CLCN3: variants seen among roughly 807,000 people sequenced by gnomAD.
The protein encoded by CLCN3 is H(+)/Cl(-) exchange transporter 3.
A neutral mutation model predicts 83.4 loss-of-function variants in CLCN3; 16 were observed. The ratio of observed to expected loss-of-function variants is 0.19; its 90% CI spans 0.13 to 0.29. CLCN3 has a LOEUF of 0.29. Among genes scored for constraint, CLCN3 ranks in the 10% least tolerant of loss-of-function variants. CLCN3 has a pLI of 1.00. For missense variants in CLCN3, 544 were observed against 1,006.0 expected (o/e 0.54, Z 6.21); for synonymous variants, 322 against 346.2 (o/e 0.93, Z 0.78).
intron 1 of CLCN3, among the ~76,000 whole-genome samples, chr4:169,631,152 G>T (rs1195467451): frequency 6.6e-6 from 1 of 152,184 alleles, no homozygotes; most frequent in Non-Finnish European, 1.5e-5. Flanking sequence ...CCTGACTGGT[G>T]TGAGATGGTG....
intron 12 of CLCN3, among the ~76,000 whole-genome samples, chr4:169,717,183 A>G (rs1257737955): frequency 6.6e-6 from 1 of 152,230 alleles, no homozygotes; most frequent in African/African-American, 2.4e-5. Context: ...CTAATCATAA[A>G]TACATTTTAT....
At position 169,697,747 on chromosome 4, in the gene CLCN3, G is replaced by T. The variant is rs1279897720; in HGVS notation, c.1563+13G>T. Reference sequence around the variant, plus strand: ...TTTTGGCATCAAGGTAAGTGCTAATGTGAGGTGATATTTGGGTAATTTTGG... The same window carrying T: ...TTTTGGCATCAAGGTAAGTGCTAATTTGAGGTGATATTTGGGTAATTTTGG... On this transcript the variant is annotated intron_variant, in intron 9 of 12. Transcript: ENST00000513761. The T allele has an allele frequency of 4.5e-6, 7 of 1,567,052 alleles. No individual in the cohort carries two copies. Among genetic ancestry groups the T allele is most frequent in the Non-Finnish European group, 5.2e-6 (6 of 1,152,754 alleles).
chr4:169,631,887 G>A (rs1773380399), intron 1 of CLCN3, among the ~76,000 whole-genome samples: 1 of 152,144 alleles, frequency 6.6e-6, no homozygotes, highest in African/African-American at 2.4e-5. Context: ...TTGAAATCCT[G>A]AACAGACCAA....
chr4:169,682,147 CATT>C (rs563004746), intron 3 of CLCN3, among the ~76,000 whole-genome samples: 22 of 152,230 alleles, frequency 1.4e-4, no homozygotes, highest in East Asian at 1.9e-4. Flanking sequence ...GATTTTGTAA[CATT>C]ATGCAGTGAT....
intron 1 of CLCN3, among the ~76,000 whole-genome samples, chr4:169,621,471 T>G (rs963444686): frequency 6.6e-6 from 1 of 152,238 alleles, no homozygotes; most frequent in Admixed American, 6.5e-5. Flanking sequence ...GACCAGAAAC[T>G]GCCTTAGAAT....
At chr4:169,708,961 CAT>C (rs1337734751) in intron 11 of CLCN3, among the ~76,000 whole-genome samples, 1 of 147,878 alleles carries the variant, frequency 6.8e-6, no homozygotes, top group Non-Finnish European at 1.5e-5. Flanking sequence ...TTTAAAATTA[CAT>C]ATATATGTTT....
intron 2 of CLCN3, among the ~76,000 whole-genome samples, chr4:169,655,246 TC>T (rs1229808060): frequency 1.3e-5 from 2 of 152,350 alleles, no homozygotes; most frequent in East Asian, 3.9e-4. Flanking sequence ...AACTTTCAAA[TC>T]CAATTAGGTA....
intron 2 of CLCN3, among the ~76,000 whole-genome samples, chr4:169,651,693 C>T (rs904756290): frequency 2.6e-5 from 4 of 152,090 alleles, no homozygotes; most frequent in Admixed American, 1.3e-4. Flanking sequence ...TACAGAACAA[C>T]CATCCATTTT....
chr4:169,670,509 G>A (rs1226432924), intron 2 of CLCN3, among the ~76,000 whole-genome samples: 1 of 152,084 alleles, frequency 6.6e-6, no homozygotes, highest in African/African-American at 2.4e-5. Flanking sequence ...TGCTGTTTTG[G>A]TTACTGAGCC....
chr4:169,718,098 A>G (rs1301214665), intron 12 of CLCN3, among the ~76,000 whole-genome samples: 1 of 152,216 alleles, frequency 6.6e-6, no homozygotes, highest in African/African-American at 2.4e-5. Context: ...CAAATCATTC[A>G]TTACAATTTC....
chr4:169,695,783 G>C, intron 8 of CLCN3, 91 bp downstream of exon 8: 1 of 763,348 alleles, frequency 1.3e-6, no homozygotes, highest in Non-Finnish European at 2.1e-6. Context: ...GATGTAATAG[G>C]TAGAGACTTT....
Position 169,697,428 on chromosome 4 carries a change from G to C in CLCN3, c.1257G>C (p.Lys419Asn). 1 of 1,614,178 alleles carries C rather than the reference G, an allele frequency of 6.2e-7. No individual in the cohort carries two copies. The highest frequency in any genetic ancestry group is 8.5e-7 in the Non-Finnish European group (1 of 1,180,034). The change falls in exon 9 of 13, where the codon AAG becomes AAC. Residue 419 changes from lysine to asparagine, a missense_variant. Physicochemically the swap from Lys to Asn is moderately conservative, Grantham distance 94 (BLOSUM62 0). This residue lies in a region of CLCN3 where 194 missense variants were observed against 341.4 expected (regional missense o/e 0.57). Transcript: ENST00000513761. ...ATATTGCCTGGTGTCGTCGACGCAAGTCCACGAAATTTGGAAAGTATCCCG... is the reference window on the plus strand; with the variant it reads ...ATATTGCCTGGTGTCGTCGACGCAACTCCACGAAATTTGGAAAGTATCCCG... Reference protein sequence around the residue: ...RANIAWCRRRKSTKFGKYPVL... With the variant: ...RANIAWCRRRNSTKFGKYPVL...
chr4:169,679,664 A>C (rs1304100820), intron 2 of CLCN3, among the ~76,000 whole-genome samples: 1 of 152,208 alleles, frequency 6.6e-6, no homozygotes. Flanking sequence ...CGAGGCGGGC[A>C]GATCACTCGA....
At chr4:169,636,604 C>T (rs1251282429) in intron 2 of CLCN3, among the ~76,000 whole-genome samples, 9 of 152,098 alleles carry the variant, frequency 5.9e-5, no homozygotes, top group Admixed American at 3.9e-4. Flanking sequence ...GTGGCTTTTA[C>T]TTACGTTTCA....
intron 2 of CLCN3, among the ~76,000 whole-genome samples, chr4:169,673,977 C>T (rs148398547): frequency 5.3e-5 from 8 of 152,314 alleles, no homozygotes; most frequent in African/African-American, 1.9e-4. Context: ...GCATTTTCTT[C>T]TGTATAGCTA....
intron 9 of CLCN3, chr4:169,702,783 A>AAG (rs1405691618): frequency 1.8e-5 from 2 of 109,742 alleles, no homozygotes; most frequent in Non-Finnish European, 4.1e-5. Context: ...TCTACAAAAA[A>AAG]AAAAAAAAAA....
chr4:169,621,040 T>G lies in CLCN3; in HGVS notation c.-40T>G. 2.5e-6 allele frequency: 1 copy of G among 397,658 alleles called. No homozygotes were observed. 24.6% of individuals were successfully genotyped at this position (397,658 alleles called of 1,614,324 possible). A position where few individuals can be genotyped will look rare whatever the true frequency, so the allele number is the denominator to read the frequency against. ...GGCAGCGCAAAAAACAGCCACCGATTTTGCTATGTCTCTGAGCTGCGAGGT... is the reference window on the plus strand; with the variant it reads ...GGCAGCGCAAAAAACAGCCACCGATGTTGCTATGTCTCTGAGCTGCGAGGT... On this transcript the variant is annotated 5_prime_UTR_variant, in exon 1 of 13. It adds an upstream start codon to the 5' untranslated region. Transcript: ENST00000513761.
chr4:169,661,236 T>G (rs573326741), intron 2 of CLCN3, among the ~76,000 whole-genome samples: 1 of 152,154 alleles, frequency 6.6e-6, no homozygotes, highest in Non-Finnish European at 1.5e-5. Context: ...CTGGTCGACA[T>G]TTGTTGTCCT....
At chr4:169,678,734 G>A (rs1300812918) in intron 2 of CLCN3, among the ~76,000 whole-genome samples, 1 of 152,026 alleles carries the variant, frequency 6.6e-6, no homozygotes, top group Non-Finnish European at 1.5e-5. Context: ...GGGGGTTGGG[G>A]GTAAGGTTAT....
Sources: gnomAD v4.1 joint callset for allele counts (sites outside exome capture counted in the v4.1 genomes callset) on GRCh38, gnomAD v4.1.1 for gene constraint, gnomAD v4.1.1 regional missense constraint, MANE v1.5 for transcripts, NCBI Gene and HGNC (gene_info 2026-07-23, HGNC 2026-07-21) for gene names.